The following SPINK9 variants were observed in gnomAD, a reference collection of about 807,000 sequenced individuals.
SPINK9 encodes the protein serine peptidase inhibitor Kazal type 9.
A neutral mutation model predicts 10.8 loss-of-function variants in SPINK9; 3 were observed. The observed-to-expected ratio is 0.28, with a 90% CI of 0.13 to 0.72. SPINK9 has a LOEUF of 0.72. Among genes scored for constraint, SPINK9 ranks in the 30% least tolerant of loss-of-function variants. The probability of loss-of-function intolerance (pLI) is 0.74; values close to 1 mark genes in which losing one functional copy is unlikely to be tolerated. For missense variants in SPINK9, 101 were observed against 103.2 expected, an observed-to-expected ratio of 0.98 and a Z score of 0.09; for synonymous variants, 30 against 31.2, an observed-to-expected ratio of 0.96 and a Z score of 0.12.
At chr5:148,338,650 T>C in intron 3 of SPINK9, 45 bp downstream of exon 3, 2 of 1,417,556 alleles carry the variant, frequency 1.4e-6, no homozygotes, top group South Asian at 1.2e-5. Flanking sequence ...GGTAAAAGTA[T>C]ATATTAAGAC....
At chr5:148,326,023 T>C (rs1757055008) in intron 2 of SPINK9, among the ~76,000 whole-genome samples, 1 of 151,972 alleles carries the variant, frequency 6.6e-6, no homozygotes, top group Admixed American at 6.6e-5. Context: ...TCGCCATATA[T>C]CCAAAATATA....
At chr5:148,336,363 T>A in intron 1 of SPINK9, 59 bp from the exon 2 acceptor site, 1 of 1,549,166 alleles carries the variant, frequency 6.5e-7, no homozygotes, top group Non-Finnish European at 8.9e-7. Context: ...AGATTCTTTT[T>A]CTAGTAAGAT....
chr5:148,339,562 C>A, intron 3 of SPINK9, 105 bp from the exon 4 acceptor site: 1 of 934,490 alleles, frequency 1.1e-6, no homozygotes, highest in Non-Finnish European at 1.7e-6. Flanking sequence ...CATCAATAAG[C>A]GGGGAAACTT....
chr5:148,330,054 T>A (rs2113416260), intron 2 of SPINK9, among the ~76,000 whole-genome samples: 1 of 152,306 alleles, frequency 6.6e-6, no homozygotes. Context: ...AATTCCTGGA[T>A]ATCTTTTTTA....
intron 2 of SPINK9, among the ~76,000 whole-genome samples, chr5:148,337,871 A>G (rs961957712): frequency 4.3e-4 from 66 of 152,210 alleles, no homozygotes; most frequent in African/African-American, 1.5e-3. Context: ...AATATGAAAA[A>G]CTTTTCTTGG....
intron 2 of SPINK9, among the ~76,000 whole-genome samples, chr5:148,325,357 C>A (rs1318368794): frequency 6.6e-6 from 1 of 152,066 alleles, no homozygotes; most frequent in African/African-American, 2.4e-5. Flanking sequence ...TTCAAAGCAG[C>A]TTCACCATTT....
chr5:148,331,235 C>G (rs1447731873), upstream of SPINK9, among the ~76,000 whole-genome samples: 2 of 152,316 alleles, frequency 1.3e-5, no homozygotes, highest in Non-Finnish European at 2.9e-5. Flanking sequence ...GGCTCCACCC[C>G]TCTAGAGGAA....
intron 2 of SPINK9, among the ~76,000 whole-genome samples, chr5:148,327,984 T>G (rs1402714778): frequency 1.3e-5 from 2 of 151,056 alleles, no homozygotes; most frequent in Admixed American, 6.6e-5. Flanking sequence ...GACTTGGCAA[T>G]GCGGGCTCTT....
intron 2 of SPINK9, among the ~76,000 whole-genome samples, chr5:148,326,079 G>T (rs1757055616): frequency 6.6e-6 from 1 of 152,076 alleles, no homozygotes; most frequent in South Asian, 2.1e-4. Flanking sequence ...TTAAAATTGG[G>T]ACAAGGACCT....
In SPINK9 at chr5:148,339,750, T is replaced by C. The variant is rs1278952866; in HGVS notation, c.*38T>C. The C allele has an allele frequency of 6.6e-7, 1 of 1,524,398 alleles. No individual in the cohort carries two copies. Among genetic ancestry groups the C allele is most frequent in the Admixed American group, 1.7e-5 (1 of 59,682 alleles). 94.4% of individuals were successfully genotyped at this position (1,524,398 alleles called of 1,614,324 possible). A position where few individuals can be genotyped will look rare whatever the true frequency, so the allele number is the denominator to read the frequency against. On this transcript the variant is annotated 3_prime_UTR_variant, in exon 4 of 4. Coordinates refer to ENST00000377906, the MANE Select transcript of SPINK9 (RefSeq NM_001040433.2). ...AGTCCAAAATATCTTTTAATGCATCTATTCACAAGAGTCACATTTCTGTTC... is the reference window on the plus strand; with the variant it reads ...AGTCCAAAATATCTTTTAATGCATCCATTCACAAGAGTCACATTTCTGTTC...
intron 2 of SPINK9, among the ~76,000 whole-genome samples, chr5:148,330,287 G>A (rs1757130838): frequency 6.6e-6 from 1 of 152,016 alleles, no homozygotes; most frequent in African/African-American, 2.4e-5. Context: ...TTTGATCTTT[G>A]TTGATTTAAA....
At chr5:148,321,377 C>T (rs966652828) in exon 1 of SPINK9, 3 of 151,960 alleles carry the variant, frequency 2.0e-5, no homozygotes, top group African/African-American at 4.8e-5. Flanking sequence ...CCTCAGGAGC[C>T]GATGCGATCA....
chr5:148,327,919 T>C (rs1757088082), intron 2 of SPINK9, among the ~76,000 whole-genome samples: 1 of 152,146 alleles, frequency 6.6e-6, no homozygotes, highest in Non-Finnish European at 1.5e-5. Context: ...CCTTGTAGTA[T>C]AGTTTGAAGT....
At chr5:148,326,710 G>A (rs1561765707) in intron 2 of SPINK9, among the ~76,000 whole-genome samples, 1 of 151,594 alleles carries the variant, frequency 6.6e-6, no homozygotes, top group African/African-American at 2.4e-5. Flanking sequence ...TCCCCTTCCT[G>A]TGTCCAAGTG....
intron 2 of SPINK9, among the ~76,000 whole-genome samples, chr5:148,325,624 A>AT (rs922884617): frequency 1.1e-4 from 17 of 151,962 alleles, no homozygotes; most frequent in South Asian, 2.1e-4. Flanking sequence ...TTGAACTGTA[A>AT]TTTTTTATAT....
At chr5:148,337,680 T>A (rs1388934770) in intron 2 of SPINK9, among the ~76,000 whole-genome samples, 1 of 152,156 alleles carries the variant, frequency 6.6e-6, no homozygotes, top group Non-Finnish European at 1.5e-5. Flanking sequence ...TGTACACATA[T>A]CTTTTCATTT....
In SPINK9 at chr5:148,337,826, A is replaced by G. The variant is rs556975094; in HGVS notation, c.88-652A>G. Among the ~76,000 whole-genome samples, 7 of 152,278 alleles carry G rather than the reference A, an allele frequency of 4.6e-5. No individual in the cohort carries two copies. In the South Asian group the frequency reaches 1.0e-3, roughly 23 times the overall value. The stretch of plus-strand genomic sequence containing the variant: ...ATTCAGATGTGTTTGACTTTACTCT[A>G]TATGCTCTTCTATATGCTCATAGAT... On this transcript the variant is annotated intron_variant, in intron 2 of 3. Coordinates refer to ENST00000377906, the MANE Select transcript of SPINK9 (RefSeq NM_001040433.2).
chr5:148,322,232 T>C lies in SPINK9; in HGVS notation c.-73+832T>C, dbSNP rs114945785. 4.1e-3 allele frequency among the ~76,000 whole-genome samples: 618 copies of C among 152,358 alleles called. 4 individuals carry two copies. Among genetic ancestry groups the C allele is most frequent in the African/African-American group, 0.014 (574 of 41,582 alleles). The stretch of plus-strand genomic sequence containing the variant: ...GATATGACACAGGTATACTCTGTAA[T>C]AGATACATTGATCATAACACAAGTA... On this transcript the variant is annotated intron_variant, in intron 1 of 4. Coordinates refer to the SPINK9 transcript ENST00000511717.
At chr5:148,323,432 CAG>C (rs1757021490) in intron 1 of SPINK9, among the ~76,000 whole-genome samples, 1 of 152,086 alleles carries the variant, frequency 6.6e-6, no homozygotes, top group African/African-American at 2.4e-5. Flanking sequence ...AATCTAAAAA[CAG>C]AAATGGTTCA....
Sources: allele counts gnomAD v4.1 joint callset (sites outside exome capture counted in the v4.1 genomes callset), GRCh38; gene constraint gnomAD v4.1.1; transcripts MANE v1.5; gene names NCBI Gene and HGNC (gene_info 2026-07-23, HGNC 2026-07-21).